UGT2B4: variants seen among roughly 807,000 people sequenced by gnomAD.
UGT2B4 encodes UDP-glucuronosyltransferase 2B4.
UGT2B4 carries 49 observed loss-of-function variants against 49.8 expected under a neutral mutation model. The observed-to-expected ratio is 0.98, with a 90% CI of 0.78 to 1.25. UGT2B4 has a LOEUF of 1.25. Among genes scored for constraint, UGT2B4 ranks in the 50% most tolerant of loss-of-function variants. The pLI, the probability that UGT2B4 is intolerant of heterozygous loss-of-function variation, is 0.00. For missense variants in UGT2B4, 729 were observed against 627.7 expected (o/e 1.16, Z -1.73); for synonymous variants, 246 against 217.7 (o/e 1.13, Z -1.14).
chr4:69,500,570 A>AAAGC (rs1728277861), upstream of UGT2B4, among the ~76,000 whole-genome samples: 9 of 137,992 alleles, frequency 6.5e-5, no homozygotes, highest in African/African-American at 2.1e-4. Flanking sequence ...GCAAGAAAAG[A>AAAGC]AAGCAAGAAA....
intron 1 of UGT2B4, among the ~76,000 whole-genome samples, chr4:69,513,762 G>C (rs926328848): frequency 1.2e-4 from 19 of 152,070 alleles, no homozygotes; most frequent in African/African-American, 4.3e-4. Context: ...GCAGTGGTTT[G>C]TAGTTCTCCT....
At chr4:69,505,382 T>C (rs949806226) in intron 1 of UGT2B4, among the ~76,000 whole-genome samples, 5 of 152,096 alleles carry the variant, frequency 3.3e-5, no homozygotes, top group African/African-American at 1.2e-4. Context: ...GAGAAAAATC[T>C]ACCAAACAGA....
At chr4:69,500,525 A>G (rs1339542866), upstream of UGT2B4, among the ~76,000 whole-genome samples, 2 of 150,966 alleles carry the variant, frequency 1.3e-5, no homozygotes, top group Non-Finnish European at 3.0e-5. Flanking sequence ...GGAAAGAAAG[A>G]AAGAAAGAAG....
chr4:69,496,004 G>T, upstream of UGT2B4: 4 of 1,327,932 alleles, frequency 3.0e-6, no homozygotes, highest in South Asian at 1.7e-5. Context: ...GTCTGAGCAT[G>T]TGGATGACAA....
At chr4:69,491,965 T>C (rs1195277889) in intron 2 of UGT2B4, among the ~76,000 whole-genome samples, 1 of 152,130 alleles carries the variant, frequency 6.6e-6, no homozygotes, top group African/African-American at 2.4e-5. Context: ...CTTAAGAGAT[T>C]ACATAATGTA....
At chr4:69,488,207 G>A (rs1198435580) in intron 3 of UGT2B4, among the ~76,000 whole-genome samples, 1 of 152,090 alleles carries the variant, frequency 6.6e-6, no homozygotes, top group Non-Finnish European at 1.5e-5. Context: ...TAAGGAACCT[G>A]TTGGTACCAT....
intron 5 of UGT2B4, 51 bp from the exon 6 acceptor site, chr4:69,480,961 A>G: frequency 6.3e-7 from 1 of 1,587,576 alleles, no homozygotes; most frequent in Non-Finnish European, 8.6e-7. Flanking sequence ...TAATTTGGCC[A>G]GGCACGGAGG....
upstream of UGT2B4, chr4:69,495,944 G>T (rs1262563329): frequency 6.6e-7 from 1 of 1,508,052 alleles, no homozygotes; most frequent in Non-Finnish European, 8.8e-7. Context: ...AATCAGTCAA[G>T]AAGTTAAAAT....
intron 1 of UGT2B4, among the ~76,000 whole-genome samples, chr4:69,509,357 C>A (rs929867652): frequency 3.3e-5 from 5 of 151,766 alleles, no homozygotes; most frequent in African/African-American, 1.2e-4. Flanking sequence ...ATTTTTAGTA[C>A]AGATGGGGTT....
intron 4 of UGT2B4, 68 bp from the exon 5 acceptor site, chr4:69,485,495 C>G: frequency 6.3e-7 from 1 of 1,588,292 alleles, no homozygotes; most frequent in Middle Eastern, 1.7e-4. Context: ...ATGGAAGAAT[C>G]TGAATGTGAC....
At chr4:69,510,118 C>T (rs1170785913) in intron 1 of UGT2B4, among the ~76,000 whole-genome samples, 1 of 152,156 alleles carries the variant, frequency 6.6e-6, no homozygotes, top group Non-Finnish European at 1.5e-5. Context: ...TGACATTCCT[C>T]ATTGAATGTA....
At chr4:69,500,347 AC>A (rs1404879326), upstream of UGT2B4, among the ~76,000 whole-genome samples, 1 of 152,060 alleles carries the variant, frequency 6.6e-6, no homozygotes, top group African/African-American at 2.4e-5. Flanking sequence ...GCACATATTT[AC>A]CTATGTAACA....
intron 1 of UGT2B4, among the ~76,000 whole-genome samples, chr4:69,502,117 C>CTTTCTTTCTTTCTTTCTTTCTTTCTTT (rs1728344644): frequency 8.2e-6 from 1 of 122,350 alleles, no homozygotes; most frequent in African/African-American, 3.3e-5. Context: ...TTCTTTCTTT[C>CTTTCTTTCTTTCTTTCTTTCTTTCTTT]TTTCTTTCTT....
At chr4:69,499,701 T>C (rs1357190131), upstream of UGT2B4, among the ~76,000 whole-genome samples, 1 of 152,212 alleles carries the variant, frequency 6.6e-6, no homozygotes, top group Non-Finnish European at 1.5e-5. Flanking sequence ...TCTTTCTGCT[T>C]TCTATTTGCT....
upstream of UGT2B4, among the ~76,000 whole-genome samples, chr4:69,497,643 A>C (rs962172043): frequency 6.6e-6 from 1 of 152,220 alleles, no homozygotes; most frequent in Non-Finnish European, 1.5e-5. Flanking sequence ...ATACATGAGG[A>C]GTTACTTCTT....
In UGT2B4 at chr4:69,486,681, C is replaced by G. The variant is rs183743551; in HGVS notation, c.1018G>C (p.Asp340His). ...CCTAAAGTATCTGGTTTATTCCCAT[C>G]AAATCTCCACAGAACCTGTTACAGT... ...KIPQKVLWRF[D>H]GNKPDTLGLN... Residue 340 changes from aspartate to histidine, a missense_variant, in exon 4 of 6, where the codon GAT (aspartate) becomes CAT (histidine). Coordinates refer to ENST00000305107, the MANE Select transcript of UGT2B4 (RefSeq NM_021139.3). 2 of 1,607,330 alleles carry G rather than the reference C, an allele frequency of 1.2e-6. No homozygotes were observed. The highest frequency in any genetic ancestry group is 1.3e-5 in the African/African-American group (1 of 74,546).
chr4:69,486,620 T>C lies in UGT2B4; in HGVS notation c.1079A>G (p.Asn360Ser), dbSNP rs1056764145. 1 of 1,601,744 alleles carries C rather than the reference T, an allele frequency of 6.2e-7. No individual in the cohort carries two copies. Among genetic ancestry groups the C allele is most frequent in the East Asian group, 2.3e-5 (1 of 44,380 alleles). ...CTTCAGAGACTTACCAAGAAGATCA[T>C]TCTGGGGTATCCACTTGTACAGCCG... ...NTRLYKWIPQNDLLGHPKTRA... is the reference protein window; with the variant it reads ...NTRLYKWIPQSDLLGHPKTRA... Residue 360 changes from asparagine (N) to serine (S), a missense_variant, in exon 4 of 6, where the codon AAT (asparagine) becomes AGT (serine). By Grantham distance (46) the Asn-to-Ser change is conservative. Coordinates refer to ENST00000305107, the MANE Select transcript of UGT2B4 (RefSeq NM_021139.3).
intron 1 of UGT2B4, among the ~76,000 whole-genome samples, chr4:69,514,112 T>A (rs1250357217): frequency 6.6e-6 from 1 of 152,172 alleles, no homozygotes; most frequent in African/African-American, 2.4e-5. Context: ...AATTATACTT[T>A]AAGTTCTAGG....
rs1727738113 is a variant in UGT2B4 at position 69,485,222 on chromosome 4, T to C, written c.1296A>G (p.Val432=). 1 of 1,613,994 alleles carries C rather than the reference T, an allele frequency of 6.2e-7. No homozygotes were observed. The highest frequency in any genetic ancestry group is 1.3e-5 in the African/African-American group (1 of 75,028). The change falls in exon 5 of 6, where the codon GTA becomes GTG. Residue 432 remains valine, a synonymous_variant. Transcript: ENST00000305107. ...STDLLNALKT[V]INDPLYKENA... ...GTTATACTCACAAAGGATCATTAATTACTGTCTTCAGTGCATTGAGTAAGT... is the reference window on the plus strand; with the variant it reads ...GTTATACTCACAAAGGATCATTAATCACTGTCTTCAGTGCATTGAGTAAGT...
Sources: gnomAD v4.1 joint callset for allele counts (sites outside exome capture counted in the v4.1 genomes callset) on GRCh38, gnomAD v4.1.1 for gene constraint, MANE v1.5 for transcripts, NCBI Gene and HGNC (gene_info 2026-07-23, HGNC 2026-07-21) for gene names.